Variants in ZC3H12B observed in about 807,000 individuals in gnomAD.
ZC3H12B encodes the protein zinc finger CCCH-type containing 12B, also known as probable ribonuclease ZC3H12B.
ZC3H12B carries 7 observed loss-of-function variants against 43.9 expected under a neutral mutation model. The ratio of observed to expected loss-of-function variants is 0.16; its 90% CI spans 0.09 to 0.30. The LOEUF is 0.30. ZC3H12B is among the 10% of genes least tolerant of loss of function. The pLI is 1.00. For missense variants in ZC3H12B, 475 were observed against 670.2 expected (o/e 0.71, Z 3.22); for synonymous variants, 222 against 241.7 (o/e 0.92, Z 0.76).
chrX:65,487,552 C>CA (rs11308550), upstream of ZC3H12B, among the ~76,000 whole-genome samples: 23 of 106,547 alleles, frequency 2.2e-4, 1 homozygote, highest in East Asian at 5.9e-4. Flanking sequence ...AAAAACAAAC[C>CA]AAAAAAAAAC....
At chrX:65,227,473 C>A in the ZC3H12B span, among the ~76,000 whole-genome samples, 1 of 110,293 alleles carries the variant, frequency 9.1e-6, no homozygotes, top group Non-Finnish European at 1.9e-5. Flanking sequence ...ATTAAAAGAA[C>A]TAGAAAAGCA....
chrX:65,283,163 T>C, the ZC3H12B span, among the ~76,000 whole-genome samples: 1 of 110,207 alleles, frequency 9.1e-6, no homozygotes, highest in African/African-American at 3.3e-5. Flanking sequence ...GCGAGGCTGG[T>C]TCAACATATG....
the ZC3H12B span, among the ~76,000 whole-genome samples, chrX:65,246,861 C>T: frequency 1.6e-4 from 18 of 112,112 alleles, no homozygotes; most frequent in Non-Finnish European, 3.0e-4. Context: ...GATTTCATGA[C>T]GAAGACACAA....
chrX:65,118,523 C>G, the ZC3H12B span, among the ~76,000 whole-genome samples: 1 of 111,497 alleles, frequency 9.0e-6, no homozygotes, highest in African/African-American at 3.3e-5. Flanking sequence ...GACAATTTGA[C>G]TTCCTCTTTT....
At chrX:65,048,498 C>G in the ZC3H12B span, among the ~76,000 whole-genome samples, 1 of 111,339 alleles carries the variant, frequency 9.0e-6, no homozygotes, top group Non-Finnish European at 1.9e-5. Flanking sequence ...ATACTGTTTT[C>G]CAAAGTGGCT....
chrX:65,332,111 AG>A, the ZC3H12B span, among the ~76,000 whole-genome samples: 1 of 110,828 alleles, frequency 9.0e-6, no homozygotes, highest in African/African-American at 3.3e-5. Flanking sequence ...CCCCTATTCA[AG>A]ATGGAGTTGC....
At chrX:65,036,747 C>T in the ZC3H12B span, among the ~76,000 whole-genome samples, 1 of 109,525 alleles carries the variant, frequency 9.1e-6, no homozygotes, top group Non-Finnish European at 1.9e-5. Context: ...GAATTTAAGT[C>T]TGAATTATTT....
the ZC3H12B span, among the ~76,000 whole-genome samples, chrX:65,292,869 A>T: frequency 9.0e-6 from 1 of 111,197 alleles, no homozygotes; most frequent in African/African-American, 3.3e-5. Flanking sequence ...CTGTGGTCTT[A>T]GATACTCAGG....
intron 3 of ZC3H12B, among the ~76,000 whole-genome samples, chrX:65,401,190 C>A (rs1420698295): frequency 2.7e-5 from 3 of 110,929 alleles, no homozygotes; most frequent in African/African-American, 9.8e-5. Flanking sequence ...ATAGAAAAAA[C>A]ATTCCTGAAT....
At chrX:65,294,571 A>T in the ZC3H12B span, among the ~76,000 whole-genome samples, 2 of 111,807 alleles carry the variant, frequency 1.8e-5, no homozygotes, top group Non-Finnish European at 3.8e-5. Flanking sequence ...AGGAATGGAG[A>T]AGAATTCACC....
At chrX:65,501,491 G>A (rs1310180142) in intron 4 of ZC3H12B, among the ~76,000 whole-genome samples, 1 of 110,702 alleles carries the variant, frequency 9.0e-6, no homozygotes, top group Non-Finnish European at 1.9e-5. Context: ...CTGGGCTAAA[G>A]TGATTCACCC....
At chrX:65,058,790 C>T in the ZC3H12B span, among the ~76,000 whole-genome samples, 2 of 112,188 alleles carry the variant, frequency 1.8e-5, no homozygotes, top group African/African-American at 3.2e-5. Context: ...CGCTCTTCCC[C>T]CAGCCTCACT....
chrX:65,127,468 G>T, the ZC3H12B span, among the ~76,000 whole-genome samples: 3 of 111,247 alleles, frequency 2.7e-5, no homozygotes, highest in African/African-American at 9.8e-5. Flanking sequence ...CATTGGTTTT[G>T]TGTTGGTTGA....
At chrX:65,222,633 AATAATAATAATAATAAT>A in the ZC3H12B span, among the ~76,000 whole-genome samples, 4 of 104,009 alleles carry the variant, frequency 3.8e-5, no homozygotes, top group South Asian at 4.2e-4. Context: ...TAATAATAAT[AATAATAATAATAATAAT>A]AAAACACTTA....
At chrX:65,105,781 G>A in the ZC3H12B span, among the ~76,000 whole-genome samples, 1 of 111,026 alleles carries the variant, frequency 9.0e-6, no homozygotes, top group African/African-American at 3.3e-5. Context: ...AAACTGCTTG[G>A]GTGGTGATAG....
intron 1 of ZC3H12B, among the ~76,000 whole-genome samples, chrX:65,490,095 C>T (rs1320553636): frequency 2.7e-5 from 3 of 111,474 alleles, no homozygotes; most frequent in Middle Eastern, 4.3e-3. Context: ...ATGATAGCCC[C>T]CTAGAGATGT....
chrX:65,227,968 G>A, the ZC3H12B span, among the ~76,000 whole-genome samples: 2 of 111,499 alleles, frequency 1.8e-5, no homozygotes, highest in African/African-American at 3.3e-5. Context: ...GGAGGAACTG[G>A]TACCATTCCT....
the ZC3H12B span, among the ~76,000 whole-genome samples, chrX:65,087,040 C>T: frequency 9.1e-6 from 1 of 110,417 alleles, no homozygotes. Flanking sequence ...GGCTGGCCCT[C>T]TCTAACACAC....
chrX:65,178,535 A>G, the ZC3H12B span, among the ~76,000 whole-genome samples: 1 of 112,582 alleles, frequency 8.9e-6, no homozygotes, highest in Non-Finnish European at 1.9e-5. Context: ...GCTAATATCC[A>G]GAATCTACAA....
Sources: gnomAD v4.1 joint callset for allele counts (sites outside exome capture counted in the v4.1 genomes callset) on GRCh38, gnomAD v4.1.1 for gene constraint, MANE v1.5 for transcripts, NCBI Gene and HGNC (gene_info 2026-07-23, HGNC 2026-07-21) for gene names.